Variants in VPS8 observed in about 807,000 individuals in gnomAD.
The protein encoded by VPS8 is VPS8 subunit of CORVET complex.
In VPS8, 129 loss-of-function variants were observed where a neutral mutation model predicts 216.4. The observed-to-expected ratio is 0.60, with a 90% CI of 0.52 to 0.69. The LOEUF is 0.69. VPS8 is among the 30% of genes least tolerant of loss of function. The pLI, the probability that VPS8 is intolerant of heterozygous loss-of-function variation, is 0.00. For missense variants in VPS8, 1,531 were observed against 1,683.5 expected (o/e 0.91, Z 1.59); for synonymous variants, 571 against 565.4 (o/e 1.01, Z -0.14).
chr3:184,818,585 C>T (rs79164086), intron 1 of VPS8, among the ~76,000 whole-genome samples: 384 of 150,840 alleles, frequency 2.5e-3, no homozygotes, highest in African/African-American at 8.9e-3. Flanking sequence ...AGTTAACCCA[C>T]CATTGCATTT....
At chr3:185,012,405 A>G (rs1755152819) in intron 45 of VPS8, among the ~76,000 whole-genome samples, 1 of 149,082 alleles carries the variant, frequency 6.7e-6, no homozygotes, top group African/African-American at 2.4e-5. Flanking sequence ...ATATATATAT[A>G]ATTGGATTTC....
chr3:184,820,207 C>A, intron 1 of VPS8, among the ~76,000 whole-genome samples: 1 of 152,164 alleles, frequency 6.6e-6, no homozygotes, highest in Non-Finnish European at 1.5e-5. Context: ...AGTCTCACCC[C>A]AGTCTCACTA....
rs541682085 is a variant in VPS8 at position 185,019,778 on chromosome 3, G to T, written c.4003-4558G>T. Among the ~76,000 whole-genome samples, 12 of 152,330 alleles carry T rather than the reference G, an allele frequency of 7.9e-5. No homozygotes were observed. In the East Asian group the frequency reaches 2.3e-3, roughly 29 times the overall value. ...TTATGGCCAATTTTGGGGCCAGTTT[G>T]TGGCCAGATTTGGGTACCTGTTCCC... On this transcript the variant is annotated intron_variant, in intron 45 of 47. Transcript: ENST00000625842.
rs1576931692 is a variant in VPS8, at chr3:184,944,532, A to G, written c.3035+4289A>G. The G allele has an allele frequency of 4.1e-6, 4 of 985,444 alleles. No individual in the cohort carries two copies. In the South Asian group the frequency reaches 1.9e-4, roughly 46 times the overall value. 61.0% of individuals were successfully genotyped at this position (985,444 alleles called of 1,614,324 possible). On this transcript the variant is annotated intron_variant, in intron 36 of 47. Coordinates refer to ENST00000625842, the MANE Select transcript of VPS8 (RefSeq NM_001009921.3). ...GCAGTGGGGATGCTTAAAGGATAATACAAAAGGACACGTGTTTTTTGTGAG... is the reference window on the plus strand; with the variant it reads ...GCAGTGGGGATGCTTAAAGGATAATGCAAAAGGACACGTGTTTTTTGTGAG...
intron 21 of VPS8, among the ~76,000 whole-genome samples, chr3:184,872,288 G>A (rs1404929374): frequency 6.6e-6 from 1 of 152,052 alleles, no homozygotes; most frequent in African/African-American, 2.4e-5. Context: ...GTGTGTATGT[G>A]TGTGTGGAGA....
chr3:185,033,472 C>G, intron 46 of VPS8, among the ~76,000 whole-genome samples: 1 of 152,172 alleles, frequency 6.6e-6, no homozygotes, highest in Non-Finnish European at 1.5e-5. Context: ...TTCTTTTTAT[C>G]ATTGAGTGAT....
chr3:184,861,999 A>G (rs1054823113), intron 15 of VPS8, among the ~76,000 whole-genome samples: 3 of 152,210 alleles, frequency 2.0e-5, no homozygotes, highest in East Asian at 1.9e-4. Flanking sequence ...GAGGGGAACA[A>G]ACTCTTCCCT....
intron 28 of VPS8, among the ~76,000 whole-genome samples, chr3:184,917,574 A>G (rs1033221160): frequency 4.6e-4 from 70 of 152,170 alleles, no homozygotes; most frequent in African/African-American, 1.6e-3. Flanking sequence ...GGATTATAGC[A>G]CACATCACCA....
intron 8 of VPS8, among the ~76,000 whole-genome samples, chr3:184,848,054 A>G (rs1158952172): frequency 6.6e-6 from 1 of 152,050 alleles, no homozygotes; most frequent in East Asian, 1.9e-4. Flanking sequence ...CTAGGATTAC[A>G]GGTGCCCACC....
At chr3:184,955,345 C>G (rs1745396100) in intron 36 of VPS8, among the ~76,000 whole-genome samples, 1 of 152,102 alleles carries the variant, frequency 6.6e-6, no homozygotes, top group African/African-American at 2.4e-5. Flanking sequence ...AGTATTTGAT[C>G]TTTCTTATAA....
At chr3:184,893,437 G>T in intron 22 of VPS8, 1 of 926,974 alleles carries the variant, frequency 1.1e-6, no homozygotes, top group Non-Finnish European at 1.3e-6. Context: ...CACAGTTTTT[G>T]TATTTTTTAA....
intron 36 of VPS8, among the ~76,000 whole-genome samples, chr3:184,950,169 A>G (rs1283286411): frequency 3.5e-5 from 5 of 143,876 alleles, no homozygotes; most frequent in Non-Finnish European, 6.0e-5. Flanking sequence ...CAGCCTCCCA[A>G]AGTGCTGGGA....
intron 2 of VPS8, among the ~76,000 whole-genome samples, chr3:184,825,852 G>C (rs1718644876): frequency 6.6e-6 from 1 of 150,720 alleles, no homozygotes; most frequent in African/African-American, 2.4e-5. Flanking sequence ...AGTGAGCTGA[G>C]ATCACACCAT....
intron 23 of VPS8, among the ~76,000 whole-genome samples, chr3:184,895,603 CCCCTCCTCCTCCCCCCCT>C (rs1733255605): frequency 2.3e-5 from 1 of 43,192 alleles, no homozygotes; most frequent in Non-Finnish European, 5.3e-5. Flanking sequence ...TCCTCCTCCC[CCCCTCCTCCTCCCCCCCT>C]CCTCCTCCCC....
intron 4 of VPS8, among the ~76,000 whole-genome samples, chr3:184,833,774 G>C (rs143767602): frequency 2.6e-5 from 4 of 152,118 alleles, no homozygotes; most frequent in African/African-American, 7.2e-5. Context: ...CAAACTCCTA[G>C]TCATCCATCA....
chr3:184,944,433 G>A lies in VPS8; in HGVS notation c.3035+4190G>A, dbSNP rs1413426489. On this transcript the variant is annotated intron_variant, in intron 36 of 47. Transcript: ENST00000625842. ...AGCCCGACTCTACCCCCATCCCCTG[G>A]GTGCATTGCTGCTGGCCATGAATTC... 9.1e-6 allele frequency: 8 copies of A among 874,446 alleles called. No individual in the cohort carries two copies. In the East Asian group the frequency reaches 7.2e-4, roughly 79 times the overall value. The allele number at this position is 874,446 out of a possible 1,614,324, so 54.2% of individuals were successfully genotyped here. A position where few individuals can be genotyped will look rare whatever the true frequency, so the allele number is the denominator to read the frequency against.
chr3:184,860,947 G>A (rs371042816), intron 15 of VPS8, among the ~76,000 whole-genome samples: 1 of 151,086 alleles, frequency 6.6e-6, no homozygotes, highest in Admixed American at 6.6e-5. Context: ...TCAGCCTCCC[G>A]AGTAGCTGGG....
At chr3:184,989,511 C>T (rs565826507) in intron 42 of VPS8, among the ~76,000 whole-genome samples, 2 of 152,158 alleles carry the variant, frequency 1.3e-5, no homozygotes, top group Non-Finnish European at 2.9e-5. Context: ...GCCATCCTCC[C>T]GCCTCTGCCT....
chr3:184,986,502 G>A (rs1751093267), intron 42 of VPS8, among the ~76,000 whole-genome samples: 1 of 152,104 alleles, frequency 6.6e-6, no homozygotes, highest in Non-Finnish European at 1.5e-5. Context: ...GAGGATTTGG[G>A]GAAAGTCTGC....
Sources: allele counts gnomAD v4.1 joint callset (sites outside exome capture counted in the v4.1 genomes callset), GRCh38; gene constraint gnomAD v4.1.1; transcripts MANE v1.5; gene names NCBI Gene and HGNC (gene_info 2026-07-23, HGNC 2026-07-21).